TAF3: variants seen among roughly 807,000 people sequenced by gnomAD.
TAF3 encodes transcription initiation factor TFIID subunit 3.
A neutral mutation model predicts 80.6 loss-of-function variants in TAF3; 7 were observed. The ratio of observed to expected loss-of-function variants is 0.09; its 90% CI spans 0.05 to 0.16. The LOEUF is 0.16. Ranked by LOEUF, TAF3 falls within the 10% of genes least tolerant of loss-of-function variation. TAF3 has a pLI of 1.00. For synonymous variants in TAF3, 444 were observed against 446.1 expected (o/e 1.00, Z 0.06); for missense variants, 921 against 1,140.2 (o/e 0.81, Z 2.77).
intron 1 of TAF3, among the ~76,000 whole-genome samples, 192 bp downstream of exon 1, chr10:7,819,067 C>T (rs1280425492): frequency 1.3e-5 from 2 of 152,090 alleles, no homozygotes; most frequent in East Asian, 1.9e-4. Flanking sequence ...GTGCCTCTTC[C>T]TTATCCGCTA....
chr10:7,956,424 T>C (rs1838136654), intron 2 of TAF3, among the ~76,000 whole-genome samples: 3 of 151,928 alleles, frequency 2.0e-5, no homozygotes, highest in Non-Finnish European at 4.4e-5. Context: ...GAGGTGGAGG[T>C]TGCAGTGAAC....
At chr10:7,998,418 G>C (rs1288718778) in intron 4 of TAF3, among the ~76,000 whole-genome samples, 2 of 151,960 alleles carry the variant, frequency 1.3e-5, no homozygotes, top group Admixed American at 1.3e-4. Flanking sequence ...TGCACAAGCA[G>C]ACATTTCTGA....
Position 7,963,901 on chromosome 10 carries a change from CT to C in TAF3, c.410-14del, listed in dbSNP as rs1564372297. On this transcript the variant is annotated intron_variant, in intron 2 of 6. Transcript: ENST00000344293. The stretch of plus-strand genomic sequence containing the variant: ...TCCAATAATATTTATTTTTTTCTTC[CT>C]TTTTCTTCCTTTACCAGAAGAAGAA... The C allele has an allele frequency of 6.7e-7, 1 of 1,494,962 alleles. No individual in the cohort carries two copies. The highest frequency in any genetic ancestry group is 8.9e-7 in the Non-Finnish European group (1 of 1,124,112). The allele number at this position is 1,494,962 out of a possible 1,614,324, so 92.6% of individuals were successfully genotyped here.
chr10:7,855,765 T>A (rs992737716), intron 2 of TAF3, among the ~76,000 whole-genome samples: 5 of 151,904 alleles, frequency 3.3e-5, no homozygotes, highest in African/African-American at 1.2e-4. Flanking sequence ...GAGGAAACAG[T>A]CATGCAAGAG....
chr10:7,935,122 C>G (rs1837904313), intron 2 of TAF3, among the ~76,000 whole-genome samples: 1 of 151,948 alleles, frequency 6.6e-6, no homozygotes, highest in Non-Finnish European at 1.5e-5. Context: ...ATTAAAAATA[C>G]AAAAATCAGC....
intron 2 of TAF3, among the ~76,000 whole-genome samples, chr10:7,861,147 G>A (rs1205740027): frequency 1.3e-5 from 2 of 152,066 alleles, no homozygotes; most frequent in Non-Finnish European, 2.9e-5. Context: ...TGTATGTTTA[G>A]TAGAGATTGG....
Position 7,818,784 on chromosome 10 carries a change from G to T in TAF3, c.75G>T (p.Ser25=). The change falls in exon 1 of 7, where the codon TCG becomes TCT. Residue 25 remains serine, a synonymous_variant. Coordinates refer to ENST00000344293, the MANE Select transcript of TAF3 (RefSeq NM_031923.4). ...TCTGCCAGGCGCTGGGCTGGGACTC[G>T]GTGCAGCTCAGCGCCTGCCACCTCC... ...AQICQALGWD[S]VQLSACHLLT... is the part of the protein sequence containing the mutation. 1.3e-6 allele frequency: 2 copies of T among 1,584,432 alleles called. No homozygotes were observed. Among genetic ancestry groups the T allele is most frequent in the Non-Finnish European group, 1.7e-6 (2 of 1,173,374 alleles).
At chr10:7,921,911 T>C (rs1452815087) in intron 2 of TAF3, among the ~76,000 whole-genome samples, 1 of 152,130 alleles carries the variant, frequency 6.6e-6, no homozygotes, top group Admixed American at 6.5e-5. Flanking sequence ...ATAAATCATA[T>C]TTCTCTTATT....
At chr10:7,916,280 A>G (rs1332395883) in intron 2 of TAF3, among the ~76,000 whole-genome samples, 1 of 152,218 alleles carries the variant, frequency 6.6e-6, no homozygotes, top group Non-Finnish European at 1.5e-5. Flanking sequence ...ATTTTTGACC[A>G]TGTTTTAAGT....
intron 2 of TAF3, among the ~76,000 whole-genome samples, chr10:7,890,814 T>C (rs1837451265): frequency 6.6e-6 from 1 of 152,246 alleles, no homozygotes; most frequent in African/African-American, 2.4e-5. Flanking sequence ...CCCAAGTGAT[T>C]AGTCTATATC....
Position 7,818,697 on chromosome 10 carries a change from T to A in TAF3, c.-13T>A, listed in dbSNP as rs1836656326. ...AGTGGCAGCAAGGGCTGCGGTGGCGTCCACGCAGCGGGATGTGCGAGAGTT... is the reference window on the plus strand; with the variant it reads ...AGTGGCAGCAAGGGCTGCGGTGGCGACCACGCAGCGGGATGTGCGAGAGTT... On this transcript the variant is annotated 5_prime_UTR_variant, in exon 1 of 7. Coordinates refer to ENST00000344293, the MANE Select transcript of TAF3 (RefSeq NM_031923.4). The A allele has an allele frequency of 6.2e-7, 1 of 1,600,780 alleles. No individual in the cohort carries two copies. The highest frequency in any genetic ancestry group is 1.4e-5 in the African/African-American group (1 of 73,334).
rs544545829 is a variant in TAF3 at position 7,909,128 on chromosome 10, G to A, written c.410-54792G>A. 1.4e-3 allele frequency among the ~76,000 whole-genome samples: 208 copies of A among 152,328 alleles called. 1 individual carries two copies. Among genetic ancestry groups the A allele is most frequent in the Non-Finnish European group, 2.4e-3 (164 of 68,034 alleles). On this transcript the variant is annotated intron_variant, in intron 2 of 6. Coordinates refer to ENST00000344293, the MANE Select transcript of TAF3 (RefSeq NM_031923.4). ...GGCCATTGCTGGAATGTGTTTGGTC[G>A]TCTAGACCAAGTGTGGGCCTCTGAC...
intron 1 of TAF3, among the ~76,000 whole-genome samples, chr10:7,822,695 A>G (rs1836702235): frequency 6.6e-6 from 1 of 152,188 alleles, no homozygotes; most frequent in South Asian, 2.1e-4. Flanking sequence ...GTGTGATTTA[A>G]TTTCAGACAT....
chr10:7,960,580 A>G (rs1473342187), intron 2 of TAF3, among the ~76,000 whole-genome samples: 1 of 152,188 alleles, frequency 6.6e-6, no homozygotes, highest in Non-Finnish European at 1.5e-5. Flanking sequence ...GCATGTGCAG[A>G]GGTACAGGAG....
At chr10:7,854,880 G>C (rs1435949994) in intron 2 of TAF3, among the ~76,000 whole-genome samples, 1 of 152,182 alleles carries the variant, frequency 6.6e-6, no homozygotes, top group Non-Finnish European at 1.5e-5. Flanking sequence ...TGGATGAACA[G>C]AATGAGACAG....
At chr10:7,905,608 G>A (rs1293040137) in intron 2 of TAF3, among the ~76,000 whole-genome samples, 1 of 152,144 alleles carries the variant, frequency 6.6e-6, no homozygotes, top group Admixed American at 6.5e-5. Context: ...AGGGCCAGGC[G>A]CGGTGGCTCA....
chr10:7,819,511 C>G (rs1313036972), intron 1 of TAF3, among the ~76,000 whole-genome samples: 1 of 152,162 alleles, frequency 6.6e-6, no homozygotes, highest in East Asian at 1.9e-4. Flanking sequence ...CAGTGGCTAT[C>G]GAAGTAGGAT....
At chr10:8,007,167 C>T (rs1483340611) in intron 4 of TAF3, among the ~76,000 whole-genome samples, 2 of 152,074 alleles carry the variant, frequency 1.3e-5, no homozygotes, top group Non-Finnish European at 2.9e-5. Context: ...TGGACAAAAA[C>T]CTTTGGCTTA....
At chr10:7,963,397 C>CTGAG (rs1415777620) in intron 2 of TAF3, among the ~76,000 whole-genome samples, 1 of 152,144 alleles carries the variant, frequency 6.6e-6, no homozygotes, top group Non-Finnish European at 1.5e-5. Flanking sequence ...TTTCCAGATC[C>CTGAG]TGAGGTTAGG....
Sources: gnomAD v4.1 joint callset for allele counts (sites outside exome capture counted in the v4.1 genomes callset) on GRCh38, gnomAD v4.1.1 for gene constraint, MANE v1.5 for transcripts, NCBI Gene and HGNC (gene_info 2026-07-23, HGNC 2026-07-21) for gene names.